The following SLC29A4 variants were observed in gnomAD, a reference collection of about 807,000 sequenced individuals.
The protein encoded by SLC29A4 is solute carrier family 29 member 4, also known as equilibrative nucleoside transporter 4.
SLC29A4 carries 36 observed loss-of-function variants against 43.9 expected under a neutral mutation model. The observed-to-expected ratio is 0.82, with a 90% CI of 0.63 to 1.08. The LOEUF (loss-of-function observed/expected upper bound fraction) is 1.08. Among genes scored for constraint, SLC29A4 ranks in the 50% least tolerant of loss-of-function variants. SLC29A4 has a pLI of 0.00. For missense variants in SLC29A4, 869 were observed against 755.3 expected, an observed-to-expected ratio of 1.15 and a Z score of -1.77; for synonymous variants, 491 against 338.0, an observed-to-expected ratio of 1.45 and a Z score of -4.97.
At chr7:5,297,343 C>T (rs776858184) in intron 7 of SLC29A4, 145 bp downstream of exon 7, 5 of 985,254 alleles carry the variant, frequency 5.1e-6, no homozygotes, top group Admixed American at 6.4e-5. Context: ...TCCTGCCAGC[C>T]TCCTTTATTC....
At chr7:5,292,568 A>G (rs1315985079) in intron 5 of SLC29A4, among the ~76,000 whole-genome samples, 1 of 151,900 alleles carries the variant, frequency 6.6e-6, no homozygotes, top group Non-Finnish European at 1.5e-5. Flanking sequence ...CTAAGTATAT[A>G]TAAATATAAA....
In SLC29A4 at chr7:5,306,799, TC is replaced by T. The variant is rs1288010348; in HGVS notation, c.*3862del. 6.6e-6 allele frequency: 1 copy of T among 151,916 alleles called. No homozygotes were observed. The allele number at this position is 151,916 out of a possible 1,614,324, so 9.4% of individuals were successfully genotyped here. On this transcript the variant is annotated 3_prime_UTR_variant, in exon 11 of 11. Transcript: ENST00000396872. ...AAACCACTCCAGACAATTTTATTTTTCCAATTAAATCTTTTCTTTTTTTTTA... is the reference window on the plus strand; with the variant it reads ...AAACCACTCCAGACAATTTTATTTTTCAATTAAATCTTTTCTTTTTTTTTA...
chr7:5,285,549 A>G (rs1450550735), intron 1 of SLC29A4, among the ~76,000 whole-genome samples: 1 of 152,214 alleles, frequency 6.6e-6, no homozygotes, highest in African/African-American at 2.4e-5. Context: ...AAAATTCTGT[A>G]GTGAGCTAGA....
At chr7:5,293,799 C>G (rs1419752984) in intron 5 of SLC29A4, among the ~76,000 whole-genome samples, 1 of 152,060 alleles carries the variant, frequency 6.6e-6, no homozygotes, top group African/African-American at 2.4e-5. Context: ...GCCACTGCAC[C>G]CAGCTAATTT....
In SLC29A4 at chr7:5,287,737, T is replaced by G. The variant is rs551598335; in HGVS notation, c.-8-72T>G. 1.5e-3 allele frequency: 2,200 copies of G among 1,457,676 alleles called. 2 individuals are homozygous for G. Among genetic ancestry groups the G allele is most frequent in the Non-Finnish European group, 1.8e-3 (1,939 of 1,075,732 alleles). 90.3% of individuals were successfully genotyped at this position (1,457,676 alleles called of 1,614,324 possible). A position where few individuals can be genotyped will look rare whatever the true frequency, so the allele number is the denominator to read the frequency against. On this transcript the variant is annotated intron_variant, in intron 1 of 10. Transcript: ENST00000396872. ...TGTGTCACTCCAGGTAGAAGCTTTA[T>G]GGGTCAGTGCATGAGCCATGGATCC...
intron 1 of SLC29A4, among the ~76,000 whole-genome samples, 177 bp downstream of exon 1, chr7:5,283,259 C>T (rs1370422254): frequency 1.3e-5 from 2 of 151,302 alleles, no homozygotes; most frequent in Non-Finnish European, 3.0e-5. Context: ...AGCGGCCCAG[C>T]CCCCCGCGCC....
chr7:5,301,034 G>A lies in SLC29A4; in HGVS notation c.1450+372G>A, dbSNP rs576535931. ...AGCACTTTGGAAGGGCAAAGCGGGT[G>A]GATCACTTGAGCCCAGGAGTTAAAG... is the stretch of plus-strand genomic sequence containing the variant. On this transcript the variant is annotated intron_variant, in intron 10 of 10. Transcript: ENST00000396872. 3.3e-5 allele frequency among the ~76,000 whole-genome samples: 5 copies of A among 152,256 alleles called. 1 individual carries two copies. Among genetic ancestry groups the A allele is most frequent in the African/African-American group, 1.2e-4 (5 of 41,544 alleles).
chr7:5,300,943 G>A (rs1299937186), intron 10 of SLC29A4, among the ~76,000 whole-genome samples: 2 of 152,182 alleles, frequency 1.3e-5, no homozygotes, highest in East Asian at 3.8e-4. Flanking sequence ...TCCCCGTGCT[G>A]TGGGACTGAC....
At chr7:5,300,089 A>G (rs1786030612) in intron 9 of SLC29A4, among the ~76,000 whole-genome samples, 1 of 151,818 alleles carries the variant, frequency 6.6e-6, no homozygotes, top group South Asian at 2.1e-4. Context: ...TCACTCAGCC[A>G]GCCGTGGTGG....
chr7:5,291,076 C>T, intron 3 of SLC29A4, 48 bp from the exon 4 acceptor site: 1 of 1,597,200 alleles, frequency 6.3e-7, no homozygotes. Flanking sequence ...GGAGTCAGTG[C>T]AGGGGGTGGG....
At chr7:5,286,797 G>T (rs941482321) in intron 1 of SLC29A4, among the ~76,000 whole-genome samples, 1 of 152,162 alleles carries the variant, frequency 6.6e-6, no homozygotes, top group Admixed American at 6.5e-5. Context: ...TGAGATCTGG[G>T]TTCTCCCACT....
chr7:5,290,717 T>C lies in SLC29A4; in HGVS notation c.170-15T>C, dbSNP rs1283025111. On this transcript the variant is annotated splice_polypyrimidine_tract_variant and intron_variant, in intron 2 of 10. Coordinates refer to ENST00000396872, the MANE Select transcript of SLC29A4 (RefSeq NM_153247.4). ...GTGGAGCGTGCCCCGTCTCACCTGG[T>C]GTCTCTGGCTTTAGCATTGGACGAG... 1 of 1,600,316 alleles carries C rather than the reference T, an allele frequency of 6.2e-7. No homozygotes were observed.
At chr7:5,293,509 C>T (rs1033022663) in intron 5 of SLC29A4, among the ~76,000 whole-genome samples, 1 of 152,116 alleles carries the variant, frequency 6.6e-6, no homozygotes, top group Admixed American at 6.6e-5. Context: ...CCATGACTTC[C>T]AGGAAGAAAG....
At chr7:5,302,094 A>G (rs1417583747) in intron 10 of SLC29A4, among the ~76,000 whole-genome samples, 2 of 152,014 alleles carry the variant, frequency 1.3e-5, no homozygotes, top group Non-Finnish European at 2.9e-5. Context: ...GGGATTATGG[A>G]TGCCCCCCAC....
intron 6 of SLC29A4, among the ~76,000 whole-genome samples, chr7:5,295,636 G>A (rs1785598631): frequency 6.6e-6 from 1 of 152,198 alleles, no homozygotes; most frequent in South Asian, 2.1e-4. Flanking sequence ...CTGGCCCGGG[G>A]TCAGTGCTGC....
rs989225565 is a variant in SLC29A4 at position 5,306,169 on chromosome 7, C to G, written c.*3230C>G. 2.2e-5 allele frequency: 3 copies of G among 136,042 alleles called. No individual in the cohort carries two copies. Among genetic ancestry groups the G allele is most frequent in the African/African-American group, 5.5e-5 (2 of 36,508 alleles). The allele number at this position is 136,042 out of a possible 1,614,324, so 8.4% of individuals were successfully genotyped here. On this transcript the variant is annotated 3_prime_UTR_variant, in exon 11 of 11. Coordinates refer to ENST00000396872, the MANE Select transcript of SLC29A4 (RefSeq NM_153247.4). ...CATCCAACTTAACTTTTAATTTTTTCTCATGTAAATTTGTTCAATTTCTTT... is the reference window on the plus strand; with the variant it reads ...CATCCAACTTAACTTTTAATTTTTTGTCATGTAAATTTGTTCAATTTCTTT...
chr7:5,297,389 C>T (rs957955244), intron 7 of SLC29A4, among the ~76,000 whole-genome samples, 191 bp downstream of exon 7: 3 of 152,230 alleles, frequency 2.0e-5, no homozygotes, highest in Admixed American at 1.3e-4. Flanking sequence ...TTACTGGCAC[C>T]CCACGTCTCG....
intron 2 of SLC29A4, 63 bp from the exon 3 acceptor site, chr7:5,290,669 C>G: frequency 4.5e-6 from 7 of 1,556,966 alleles, no homozygotes; most frequent in Non-Finnish European, 6.1e-6. Flanking sequence ...GGACATCGCC[C>G]TGTGCGGTGA....
intron 5 of SLC29A4, among the ~76,000 whole-genome samples, chr7:5,292,853 C>A (rs1562446725): frequency 6.6e-6 from 1 of 151,764 alleles, no homozygotes; most frequent in African/African-American, 2.4e-5. Context: ...TGCCCGCCAC[C>A]ATGCCAGGCT....
Sources: allele counts gnomAD v4.1 joint callset (sites outside exome capture counted in the v4.1 genomes callset), GRCh38; gene constraint gnomAD v4.1.1; transcripts MANE v1.5; gene names NCBI Gene and HGNC (gene_info 2026-07-23, HGNC 2026-07-21).